Variants in CNTNAP5 observed in about 807,000 individuals in gnomAD.
CNTNAP5 encodes contactin associated protein family member 5, also known as contactin-associated protein-like 5.
CNTNAP5 carries 72 observed loss-of-function variants against 150.2 expected under a neutral mutation model. The ratio of observed to expected loss-of-function variants is 0.48; its 90% CI spans 0.40 to 0.58. The LOEUF (loss-of-function observed/expected upper bound fraction) is 0.58, where lower values mean the gene tolerates loss of function less well. Ranked by LOEUF, CNTNAP5 falls within the 20% of genes least tolerant of loss-of-function variation. The probability of loss-of-function intolerance (pLI) is 0.00; values close to 1 mark genes in which losing one functional copy is unlikely to be tolerated. For synonymous variants in CNTNAP5, 672 were observed against 619.8 expected (o/e 1.08, Z -1.25); for missense variants, 1,636 against 1,626.2 (o/e 1.01, Z -0.10).
chr2:124,551,109 G>T (rs1405235084), intron 10 of CNTNAP5, among the ~76,000 whole-genome samples: 1 of 152,044 alleles, frequency 6.6e-6, no homozygotes, highest in Non-Finnish European at 1.5e-5. Context: ...TGCAGGGAGA[G>T]GCATGTGTGC....
chr2:124,597,549 G>A (rs1453377529), intron 11 of CNTNAP5, among the ~76,000 whole-genome samples: 4 of 150,972 alleles, frequency 2.6e-5, no homozygotes, highest in Admixed American at 1.3e-4. Context: ...AGGGTAACCC[G>A]AACTTTTTCT....
At chr2:124,579,692 G>A (rs1180510825) in intron 11 of CNTNAP5, among the ~76,000 whole-genome samples, 1 of 152,176 alleles carries the variant, frequency 6.6e-6, no homozygotes, top group Non-Finnish European at 1.5e-5. Flanking sequence ...TCTTCAACTG[G>A]GATGACAAGA....
chr2:124,643,694 C>T (rs1296614177), intron 12 of CNTNAP5, among the ~76,000 whole-genome samples: 1 of 152,144 alleles, frequency 6.6e-6, no homozygotes, highest in South Asian at 2.1e-4. Context: ...GAGTGCCAGA[C>T]AGTCTATGTG....
At chr2:124,819,549 G>A (rs1057426161) in intron 19 of CNTNAP5, among the ~76,000 whole-genome samples, 1 of 152,136 alleles carries the variant, frequency 6.6e-6, no homozygotes. Flanking sequence ...TGAAAGCAAC[G>A]TTCAGGCCAC....
intron 3 of CNTNAP5, among the ~76,000 whole-genome samples, chr2:124,272,068 G>A (rs1687773264): frequency 6.6e-6 from 1 of 151,998 alleles, no homozygotes; most frequent in South Asian, 2.1e-4. Context: ...AATAAATACA[G>A]TTTTCTGCTT....
chr2:124,810,211 A>T (rs1340037884), intron 19 of CNTNAP5, among the ~76,000 whole-genome samples: 3 of 152,178 alleles, frequency 2.0e-5, no homozygotes. Context: ...CACATTTATC[A>T]CCTTATATAG....
At chr2:124,694,583 C>T (rs1679366295) in intron 13 of CNTNAP5, among the ~76,000 whole-genome samples, 1 of 151,904 alleles carries the variant, frequency 6.6e-6, no homozygotes, top group African/African-American at 2.4e-5. Flanking sequence ...TTTTAGTGTC[C>T]CTAGTGTTTT....
chr2:124,180,122 T>G (rs1024988924), intron 1 of CNTNAP5, among the ~76,000 whole-genome samples: 2 of 152,216 alleles, frequency 1.3e-5, no homozygotes, highest in Non-Finnish European at 2.9e-5. Context: ...TTCATGAAAG[T>G]GTTTTCTGGT....
chr2:124,314,990 T>C (rs2104661869), intron 3 of CNTNAP5, among the ~76,000 whole-genome samples: 1 of 149,950 alleles, frequency 6.7e-6, no homozygotes, highest in African/African-American at 2.5e-5. Context: ...AACAAGCCTT[T>C]TTTTTTTTTG....
intron 16 of CNTNAP5, among the ~76,000 whole-genome samples, chr2:124,765,151 A>T (rs888290227): frequency 1.2e-4 from 18 of 152,148 alleles, no homozygotes; most frequent in African/African-American, 4.3e-4. Context: ...ATTTTATACT[A>T]AATTATGTAA....
At chr2:124,835,626 A>C (rs765929393) in intron 19 of CNTNAP5, among the ~76,000 whole-genome samples, 1 of 152,162 alleles carries the variant, frequency 6.6e-6, no homozygotes, top group Non-Finnish European at 1.5e-5. Context: ...CCCCGTCCCC[A>C]GGCATGATGT....
chr2:124,668,800 G>A (rs953183355), intron 13 of CNTNAP5, among the ~76,000 whole-genome samples: 4 of 152,204 alleles, frequency 2.6e-5, no homozygotes, highest in Non-Finnish European at 4.4e-5. Context: ...TTTGAAGTAA[G>A]TGGTCATTTG....
At chr2:124,608,033 A>C (rs747994466) in intron 11 of CNTNAP5, among the ~76,000 whole-genome samples, 5 of 152,222 alleles carry the variant, frequency 3.3e-5, no homozygotes, top group Non-Finnish European at 7.3e-5. Flanking sequence ...ATAAAAAGTC[A>C]AACCCTCTCA....
chr2:124,081,363 CAG>C (rs1281910882), intron 1 of CNTNAP5, among the ~76,000 whole-genome samples: 8 of 152,170 alleles, frequency 5.3e-5, no homozygotes, highest in Non-Finnish European at 1.2e-4. Flanking sequence ...TTTTCTTCCT[CAG>C]GGGAAATATC....
At chr2:124,763,557 C>A in intron 14 of CNTNAP5, 115 bp from the exon 15 acceptor site, 1 of 913,480 alleles carries the variant, frequency 1.1e-6, no homozygotes, top group Non-Finnish European at 1.7e-6. Context: ...TTCCCCCTCT[C>A]TGCCCCTACC....
Position 124,920,527 on chromosome 2 carries a change from T to C in CNTNAP5, c.*6239T>C, listed in dbSNP as rs1678852203. Among the ~76,000 whole-genome samples, 2 of 152,148 alleles carry C rather than the reference T, an allele frequency of 1.3e-5. No individual in the cohort carries two copies. Among genetic ancestry groups the C allele is most frequent in the South Asian group, 2.1e-4 (1 of 4,830 alleles). On this transcript the variant is annotated 3_prime_UTR_variant, in exon 24 of 24. Transcript: ENST00000682447. ...CCAAACTTTGCTTAAAGCAGCATAGTTACATTGAGAAAGAGACTGCCTTTA... is the reference window on the plus strand; with the variant it reads ...CCAAACTTTGCTTAAAGCAGCATAGCTACATTGAGAAAGAGACTGCCTTTA...
At chr2:124,561,674 G>A (rs1380008830) in intron 10 of CNTNAP5, among the ~76,000 whole-genome samples, 1 of 152,134 alleles carries the variant, frequency 6.6e-6, no homozygotes, top group East Asian at 1.9e-4. Context: ...CATAAGCCCT[G>A]TCAGCACAAT....
chr2:124,860,336 C>T (rs143767435), intron 19 of CNTNAP5, among the ~76,000 whole-genome samples: 19 of 151,374 alleles, frequency 1.3e-4, no homozygotes, highest in African/African-American at 3.2e-4. Flanking sequence ...GGCGACAGAG[C>T]GAGATTCTGT....
intron 7 of CNTNAP5, among the ~76,000 whole-genome samples, chr2:124,503,125 G>A (rs1038166379): frequency 4.6e-5 from 7 of 152,198 alleles, no homozygotes; most frequent in African/African-American, 1.7e-4. Context: ...GATCTAGCCT[G>A]AAGGGAAGAA....
Sources: allele counts gnomAD v4.1 joint callset (sites outside exome capture counted in the v4.1 genomes callset), GRCh38; gene constraint gnomAD v4.1.1; transcripts MANE v1.5; gene names NCBI Gene and HGNC (gene_info 2026-07-23, HGNC 2026-07-21).